Variants in PDE1A observed in about 807,000 individuals in gnomAD.
PDE1A encodes phosphodiesterase 1A.
Under a neutral mutation model 61.7 loss-of-function variants are expected in PDE1A, and 35 were observed. That is an observed-to-expected ratio of 0.57 (90% CI 0.43 to 0.75). PDE1A has a LOEUF of 0.75. PDE1A is among the 30% of genes least tolerant of loss of function. PDE1A has a pLI of 0.00. For missense variants in PDE1A, 597 were observed against 630.6 expected (o/e 0.95, Z 0.57); for synonymous variants, 232 against 213.2 (o/e 1.09, Z -0.77).
chr2:182,239,965 G>T, intron 3 of PDE1A, 145 bp downstream of exon 3: 2 of 587,558 alleles, frequency 3.4e-6, no homozygotes, highest in Non-Finnish European at 5.4e-6. Flanking sequence ...TCATCATAAA[G>T]TCCCAAATTT....
chr2:182,425,029 T>A (rs1703521246), intron 1 of PDE1A, among the ~76,000 whole-genome samples: 1 of 152,220 alleles, frequency 6.6e-6, no homozygotes, highest in Non-Finnish European at 1.5e-5. Context: ...GCAGTTAAGT[T>A]GCAATCCACC....
At chr2:182,638,344 G>C in the PDE1A span, among the ~76,000 whole-genome samples, 1 of 152,134 alleles carries the variant, frequency 6.6e-6, no homozygotes, top group Non-Finnish European at 1.5e-5. Context: ...TTCGAGACCA[G>C]CCTGGCCAAC....
intron 1 of PDE1A, among the ~76,000 whole-genome samples, chr2:182,345,250 C>T (rs968703435): frequency 2.0e-5 from 3 of 152,220 alleles, no homozygotes; most frequent in Admixed American, 6.5e-5. Context: ...TTTCACCCTC[C>T]ATTTCTGATG....
At chr2:182,462,331 G>GTATA (rs142499312) in intron 2 of PDE1A, among the ~76,000 whole-genome samples, 78 of 149,868 alleles carry the variant, frequency 5.2e-4, no homozygotes, top group African/African-American at 1.6e-3. Flanking sequence ...ATATAAAAAA[G>GTATA]TATATATATA....
chr2:182,155,974 T>C (rs1262639774), intron 13 of PDE1A, among the ~76,000 whole-genome samples: 1 of 152,158 alleles, frequency 6.6e-6, no homozygotes, highest in Non-Finnish European at 1.5e-5. Flanking sequence ...CCCATGCTGT[T>C]CTCATGGTAG....
intron 2 of PDE1A, among the ~76,000 whole-genome samples, chr2:182,500,690 C>A (rs1390374248): frequency 6.6e-6 from 1 of 152,150 alleles, no homozygotes; most frequent in African/African-American, 2.4e-5. Flanking sequence ...ATATAATTAT[C>A]CCCAAATTAG....
intron 2 of PDE1A, among the ~76,000 whole-genome samples, chr2:182,515,896 A>T (rs574614045): frequency 5.9e-4 from 89 of 151,566 alleles, no homozygotes; most frequent in African/African-American, 2.1e-3. Context: ...TCTGAATCCA[A>T]TGTGCCATAG....
intron 1 of PDE1A, among the ~76,000 whole-genome samples, chr2:182,394,536 G>T (rs1205730029): frequency 6.8e-6 from 1 of 148,104 alleles, no homozygotes; most frequent in Non-Finnish European, 1.5e-5. Context: ...AAAGGGGAAT[G>T]ACCAGACCTT....
chr2:182,552,080 TA>T, the PDE1A span, among the ~76,000 whole-genome samples: 16 of 152,184 alleles, frequency 1.1e-4, no homozygotes, highest in Non-Finnish European at 2.1e-4. Flanking sequence ...TTGAAACCTT[TA>T]AAAAATATTT....
intron 1 of PDE1A, among the ~76,000 whole-genome samples, chr2:182,365,116 G>T (rs1462354615): frequency 6.6e-6 from 1 of 151,992 alleles, no homozygotes; most frequent in African/African-American, 2.4e-5. Flanking sequence ...CTATATAACT[G>T]TAACTTCAAT....
At chr2:182,476,413 C>G (rs2125827836) in intron 2 of PDE1A, among the ~76,000 whole-genome samples, 1 of 152,052 alleles carries the variant, frequency 6.6e-6, no homozygotes, top group South Asian at 2.1e-4. Flanking sequence ...ATCACTTGAA[C>G]CCAGGAGGCA....
the PDE1A span, among the ~76,000 whole-genome samples, chr2:182,540,194 T>C: frequency 2.0e-5 from 3 of 151,626 alleles, no homozygotes; most frequent in Admixed American, 6.6e-5. Flanking sequence ...TGAAACACCG[T>C]CTCTACTAAA....
intron 2 of PDE1A, among the ~76,000 whole-genome samples, chr2:182,439,292 A>G (rs1684641103): frequency 6.6e-6 from 1 of 151,862 alleles, no homozygotes; most frequent in East Asian, 1.9e-4. Context: ...ATGAAAGAGG[A>G]AAGAAGACAG....
At chr2:182,683,137 G>A in the PDE1A span, among the ~76,000 whole-genome samples, 4 of 148,674 alleles carry the variant, frequency 2.7e-5, no homozygotes, top group Non-Finnish European at 4.4e-5. Context: ...CTGTTGCCCA[G>A]GCTGGAGTGC....
At chr2:182,532,130 G>A in the PDE1A span, among the ~76,000 whole-genome samples, 1 of 151,932 alleles carries the variant, frequency 6.6e-6, no homozygotes, top group Admixed American at 6.6e-5. Context: ...TTTTTTTAAA[G>A]GATACAAATG....
chr2:182,206,329 G>T (rs556161921), intron 7 of PDE1A, among the ~76,000 whole-genome samples: 1 of 152,032 alleles, frequency 6.6e-6, no homozygotes, highest in African/African-American at 2.4e-5. Context: ...CCACACATGC[G>T]TAACCTCCCC....
At chr2:182,534,308 A>G in the PDE1A span, among the ~76,000 whole-genome samples, 3 of 151,950 alleles carry the variant, frequency 2.0e-5, no homozygotes, top group Admixed American at 2.0e-4. Flanking sequence ...TCTAATGAAT[A>G]GTTTTGCATC....
exon 5 of PDE1A, chr2:182,231,032 G>C (rs761433143): frequency 6.4e-7 from 1 of 1,574,396 alleles, no homozygotes; most frequent in Non-Finnish European, 8.7e-7. Context: ...CGGTTGATAA[G>C]ATCATATCTG....
chr2:182,590,783 C>T, the PDE1A span, among the ~76,000 whole-genome samples: 52 of 152,216 alleles, frequency 3.4e-4, no homozygotes, highest in African/African-American at 1.2e-3. Context: ...ATATCTGTTA[C>T]GTAAAATTGA....
Sources: gnomAD v4.1 joint callset for allele counts (sites outside exome capture counted in the v4.1 genomes callset) on GRCh38, gnomAD v4.1.1 for gene constraint, MANE v1.5 for transcripts, NCBI Gene and HGNC (gene_info 2026-07-23, HGNC 2026-07-21) for gene names.